RARB: variants seen among roughly 807,000 people sequenced by gnomAD.
RARB encodes the protein retinoic acid receptor beta, also known as HBV-activated protein.
A neutral mutation model predicts 51.9 loss-of-function variants in RARB; 17 were observed. That is an observed-to-expected ratio of 0.33 (90% CI 0.22 to 0.49). The LOEUF (loss-of-function observed/expected upper bound fraction) is 0.49, where lower values mean the gene tolerates loss of function less well. Among genes scored for constraint, RARB ranks in the 20% least tolerant of loss-of-function variants. The probability of loss-of-function intolerance (pLI) is 0.99; values close to 1 mark genes in which losing one functional copy is unlikely to be tolerated. For missense variants in RARB, 369 were observed against 550.8 expected, an observed-to-expected ratio of 0.67 and a Z score of 3.30; for synonymous variants, 215 against 195.4, an observed-to-expected ratio of 1.10 and a Z score of -0.84.
chr3:25,446,299 C>A (rs1191552052), intron 1 of RARB, among the ~76,000 whole-genome samples: 1 of 152,174 alleles, frequency 6.6e-6, no homozygotes, highest in Non-Finnish European at 1.5e-5. Flanking sequence ...TTTCCTTTAT[C>A]TTAAAGCTGG....
At chr3:25,304,015 CAT>C (rs923194460) in intron 5 of RARB, among the ~76,000 whole-genome samples, 1 of 152,120 alleles carries the variant, frequency 6.6e-6, no homozygotes, top group African/African-American at 2.4e-5. Flanking sequence ...AAATGGAAAA[CAT>C]GGTAGATCCT....
At chr3:25,445,139 G>A (rs1414339932) in intron 1 of RARB, among the ~76,000 whole-genome samples, 1 of 151,896 alleles carries the variant, frequency 6.6e-6, no homozygotes, top group African/African-American at 2.4e-5. Context: ...TAGTAGAGAC[G>A]GAATTTCACT....
At chr3:24,984,673 T>G (rs983064424) in intron 2 of RARB, among the ~76,000 whole-genome samples, 1 of 152,174 alleles carries the variant, frequency 6.6e-6, no homozygotes, top group Non-Finnish European at 1.5e-5. Context: ...AGAACTCTAA[T>G]GTACAGTGTG....
At chr3:25,401,611 G>A (rs1373719392) in intron 5 of RARB, among the ~76,000 whole-genome samples, 1 of 152,172 alleles carries the variant, frequency 6.6e-6, no homozygotes, top group African/African-American at 2.4e-5. Flanking sequence ...GAACTGAAAT[G>A]TATATTAACT....
intron 5 of RARB, among the ~76,000 whole-genome samples, chr3:25,226,074 A>G (rs915337517): frequency 1.3e-5 from 2 of 152,200 alleles, no homozygotes; most frequent in African/African-American, 4.8e-5. Flanking sequence ...CAAACTGCCC[A>G]TATAAAAATT....
intron 1 of RARB, among the ~76,000 whole-genome samples, chr3:24,838,885 T>C (rs1034532398): frequency 2.0e-5 from 3 of 151,388 alleles, no homozygotes; most frequent in African/African-American, 7.3e-5. Context: ...TTTAGAAATC[T>C]GAATTTTTAT....
intron 4 of RARB, among the ~76,000 whole-genome samples, chr3:25,571,005 G>A (rs1451511007): frequency 6.6e-6 from 1 of 151,964 alleles, no homozygotes; most frequent in Non-Finnish European, 1.5e-5. Flanking sequence ...ATGGGGTGTA[G>A]TGCGCTAGGA....
intron 2 of RARB, among the ~76,000 whole-genome samples, chr3:24,885,936 C>T (rs549613128): frequency 1.3e-5 from 2 of 151,800 alleles, no homozygotes; most frequent in East Asian, 1.9e-4. Flanking sequence ...TTATATGCCA[C>T]CTACTCATAT....
At chr3:24,842,650 A>T (rs1702433585) in intron 1 of RARB, among the ~76,000 whole-genome samples, 1 of 152,218 alleles carries the variant, frequency 6.6e-6, no homozygotes, top group Non-Finnish European at 1.5e-5. Context: ...ATGAGCTTAA[A>T]GAGTGGGCCA....
At chr3:25,035,405 A>G (rs1269495916) in intron 2 of RARB, among the ~76,000 whole-genome samples, 2 of 141,548 alleles carry the variant, frequency 1.4e-5, no homozygotes, top group African/African-American at 5.3e-5. Context: ...TACAGTTGTG[A>G]GCCGCTGCGT....
intron 1 of RARB, among the ~76,000 whole-genome samples, chr3:25,439,669 AT>A (rs1162255278): frequency 6.6e-6 from 1 of 152,234 alleles, no homozygotes; most frequent in Non-Finnish European, 1.5e-5. Context: ...AAGTGCTGGA[AT>A]TACAGGTGTG....
At chr3:25,253,786 G>C (rs1035726033) in intron 5 of RARB, among the ~76,000 whole-genome samples, 1 of 152,118 alleles carries the variant, frequency 6.6e-6, no homozygotes, top group Non-Finnish European at 1.5e-5. Context: ...ATTATTTGAA[G>C]CGTACTAAAA....
chr3:25,006,534 A>G (rs1442283337), intron 2 of RARB, among the ~76,000 whole-genome samples: 1 of 152,180 alleles, frequency 6.6e-6, no homozygotes, highest in Non-Finnish European at 1.5e-5. Context: ...GAACACGGAG[A>G]CAGGTATTGC....
intron 2 of RARB, among the ~76,000 whole-genome samples, chr3:24,958,910 C>G (rs1696080488): frequency 1.3e-5 from 2 of 152,174 alleles, no homozygotes; most frequent in African/African-American, 4.8e-5. Flanking sequence ...GAGTGCCTTG[C>G]TTACTCAGCC....
rs574668009 is a variant in RARB, at chr3:24,979,524, T to C, written c.-379-80601T>C. Among the ~76,000 whole-genome samples the C allele has an allele frequency of 1.1e-4, 17 of 152,330 alleles. No homozygotes were observed. In the South Asian group the frequency reaches 1.2e-3, roughly 11 times the overall value. ...CTTTGTCTGTTTTGATCTTTGTTGGTTTAAAATTTGTTTTATCAGAGGCCA... is the reference window on the plus strand; with the variant it reads ...CTTTGTCTGTTTTGATCTTTGTTGGCTTAAAATTTGTTTTATCAGAGGCCA... On this transcript the variant is annotated intron_variant, in intron 2 of 11. Coordinates refer to the RARB transcript ENST00000383772.
chr3:25,220,024 G>A (rs1701911778), intron 5 of RARB, among the ~76,000 whole-genome samples: 1 of 152,090 alleles, frequency 6.6e-6, no homozygotes. Flanking sequence ...TTATTGAATA[G>A]GGATATAGGA....
At chr3:25,194,720 T>C (rs915035661) in intron 5 of RARB, among the ~76,000 whole-genome samples, 1 of 151,678 alleles carries the variant, frequency 6.6e-6, no homozygotes, top group African/African-American at 2.4e-5. Flanking sequence ...CAGAAGAATG[T>C]ACGTATTTGT....
At position 25,328,466 on chromosome 3, in the gene RARB, G is replaced by T. The variant is rs189310854; in HGVS notation, c.179-132727G>T. ...ACCCAAGAAGCAGAGGTTGCAGTGA[G>T]CTGAGATCATGCCACTGCACTCCAG... On this transcript the variant is annotated intron_variant, in intron 5 of 11. Coordinates refer to the RARB transcript ENST00000383772. Among the ~76,000 whole-genome samples the T allele has an allele frequency of 2.6e-5, 4 of 152,356 alleles. No individual in the cohort carries two copies. The East Asian group carries it at 7.7e-4, about 29-fold the overall frequency.
intron 2 of RARB, among the ~76,000 whole-genome samples, chr3:24,952,618 G>A (rs958525380): frequency 3.3e-5 from 5 of 152,090 alleles, no homozygotes; most frequent in Non-Finnish European, 7.4e-5. Context: ...AGCTTGGTGC[G>A]TGGCACAGCA....
Sources: gnomAD v4.1 joint callset for allele counts (sites outside exome capture counted in the v4.1 genomes callset) on GRCh38, gnomAD v4.1.1 for gene constraint, MANE v1.5 for transcripts, NCBI Gene and HGNC (gene_info 2026-07-23, HGNC 2026-07-21) for gene names.